ABTB2: variants seen among roughly 807,000 people sequenced by gnomAD.
ABTB2 encodes the protein ankyrin repeat and BTB domain containing 2, also known as ankyrin repeat and BTB/POZ domain-containing protein 2.
In ABTB2, 56 loss-of-function variants were observed where a neutral mutation model predicts 104.1. That is an observed-to-expected ratio of 0.54 (90% CI 0.43 to 0.67). The LOEUF (loss-of-function observed/expected upper bound fraction) is 0.67, where lower values mean the gene tolerates loss of function less well. Ranked by LOEUF, ABTB2 falls within the 30% of genes least tolerant of loss-of-function variation. The pLI is 0.00. For synonymous variants in ABTB2, 606 were observed against 608.2 expected, an observed-to-expected ratio of 1.00 and a Z score of 0.05; for missense variants, 1,279 against 1,407.7, an observed-to-expected ratio of 0.91 and a Z score of 1.46.
chr11:34,155,549 G>C (rs1160352631), intron 14 of ABTB2, among the ~76,000 whole-genome samples: 1 of 152,238 alleles, frequency 6.6e-6, no homozygotes, highest in African/African-American at 2.4e-5. Flanking sequence ...TGAAGAAACG[G>C]CTCCAGCAAG....
At chr11:34,217,700 G>A (rs899406411) in intron 1 of ABTB2, among the ~76,000 whole-genome samples, 2 of 152,190 alleles carry the variant, frequency 1.3e-5, no homozygotes, top group African/African-American at 4.8e-5. Flanking sequence ...AACCTCAAAT[G>A]ATCTGCCTGC....
chr11:34,293,527 A>T, intron 1 of ABTB2, among the ~76,000 whole-genome samples: 1 of 152,178 alleles, frequency 6.6e-6, no homozygotes, highest in East Asian at 1.9e-4. Flanking sequence ...AGGAGAAGCC[A>T]TTGAGGAAAG....
chr11:34,154,187 AGTGCAGCCACACGGCCGAGGCCCCC>A lies in ABTB2; in HGVS notation c.2880+53_2880+77del. 8.9e-7 allele frequency: 1 copy of A among 1,125,864 alleles called. No individual in the cohort carries two copies. 69.7% of individuals were successfully genotyped at this position (1,125,864 alleles called of 1,614,324 possible). ...CACCTGCATCTCCTAGCTCATCCCC[AGTGCAGCCACACGGCCGAGGCCCCC>A]GTGGAGCAGAGCATGTGGTGGGAGG... On this transcript the variant is annotated intron_variant, in intron 16 of 16. Transcript: ENST00000435224. This position sits in a 1 kb window ranked among gnomAD's most constrained non-coding sequence, Gnocchi z 4.9.
chr11:34,337,470 T>A (rs1271166883), intron 1 of ABTB2, among the ~76,000 whole-genome samples: 1 of 152,260 alleles, frequency 6.6e-6, no homozygotes, highest in Non-Finnish European at 1.5e-5. Flanking sequence ...ACTGTACTTA[T>A]AATGCAGGAT....
intron 1 of ABTB2, among the ~76,000 whole-genome samples, chr11:34,349,552 A>G (rs1855374152): frequency 6.6e-6 from 1 of 152,218 alleles, no homozygotes; most frequent in Non-Finnish European, 1.5e-5. Flanking sequence ...GATCCAACAC[A>G]AGTTTGTTAA....
At chr11:34,253,691 AT>A (rs1359688803) in intron 1 of ABTB2, among the ~76,000 whole-genome samples, 4 of 117,740 alleles carry the variant, frequency 3.4e-5, no homozygotes, top group Non-Finnish European at 3.7e-5. Context: ...AAAAAAAAAA[AT>A]TTTTTTTTCA....
At chr11:34,293,726 A>ATTT (rs78765419) in intron 1 of ABTB2, among the ~76,000 whole-genome samples, 1 of 149,312 alleles carries the variant, frequency 6.7e-6, no homozygotes. Context: ...AACAAGGTAA[A>ATTT]TTTTTTTTTT....
At position 34,166,977 on chromosome 11, in the gene ABTB2, G is replaced by A. The variant is rs181824854; in HGVS notation, c.1755+282C>T. Among the ~76,000 whole-genome samples, 686 of 152,360 alleles carry A rather than the reference G, an allele frequency of 4.5e-3. 22 individuals carry two copies. Among genetic ancestry groups the A allele is most frequent in the Non-Finnish European group, 9.1e-4 (62 of 68,030 alleles). ...GACTGGGACAGCCCCCAGTGTGCCC[G>A]ACACGAGAGAGAGAGAGATGCCGGG... On this transcript the variant is annotated intron_variant, in intron 7 of 16. Coordinates refer to ENST00000435224, the MANE Select transcript of ABTB2 (RefSeq NM_145804.3).
At chr11:34,262,051 C>T (rs1023524012) in intron 1 of ABTB2, among the ~76,000 whole-genome samples, 3 of 152,212 alleles carry the variant, frequency 2.0e-5, no homozygotes, top group African/African-American at 7.2e-5. Flanking sequence ...GAAAACAACA[C>T]CGACTCACAT....
chr11:34,201,269 C>A lies in ABTB2; in HGVS notation c.1030+3275G>T, dbSNP rs368476608. On this transcript the variant is annotated intron_variant, in intron 2 of 16. Coordinates refer to ENST00000435224, the MANE Select transcript of ABTB2 (RefSeq NM_145804.3). ...CAGGCAAGGAAAAACAAGTCCTCCC[C>A]CCTTGTTAACCATGAAAGACTTGAT... is the stretch of plus-strand genomic sequence containing the variant. 6.6e-5 allele frequency among the ~76,000 whole-genome samples: 10 copies of A among 152,028 alleles called. No homozygotes were observed. The East Asian group carries it at 7.7e-4, about 12-fold the overall frequency.
chr11:34,311,130 C>T (rs1854847740), intron 1 of ABTB2, among the ~76,000 whole-genome samples: 1 of 152,198 alleles, frequency 6.6e-6, no homozygotes, highest in African/African-American at 2.4e-5. Flanking sequence ...CTAGCTTTCA[C>T]TGGCTCCAGG....
At chr11:34,246,933 T>C (rs1853992677) in intron 1 of ABTB2, among the ~76,000 whole-genome samples, 1 of 150,900 alleles carries the variant, frequency 6.6e-6, no homozygotes, top group Non-Finnish European at 1.5e-5. Flanking sequence ...CCGCAACCTC[T>C]GTCTTCCGGG....
chr11:34,228,116 G>A (rs1294539392), intron 1 of ABTB2, among the ~76,000 whole-genome samples: 1 of 69,338 alleles, frequency 1.4e-5, no homozygotes, highest in Non-Finnish European at 3.2e-5. Flanking sequence ...TCTTGGCTCA[G>A]TAGCATGATC....
intron 1 of ABTB2, among the ~76,000 whole-genome samples, chr11:34,313,184 C>T (rs1229773909): frequency 6.6e-6 from 1 of 152,164 alleles, no homozygotes; most frequent in East Asian, 1.9e-4. Context: ...GTTTCTGGAA[C>T]CTTCCCTGGA....
chr11:34,211,687 C>G lies in ABTB2; in HGVS notation c.884-6997G>C, dbSNP rs186981651. Reference sequence around the variant, plus strand: ...GGCAGGAGGATCACTTGAGATCAGGCATTCGAGACCAGCCTGTCCAACATG... The same window carrying G: ...GGCAGGAGGATCACTTGAGATCAGGGATTCGAGACCAGCCTGTCCAACATG... On this transcript the variant is annotated intron_variant, in intron 1 of 16. Transcript: ENST00000435224. 4.5e-3 allele frequency among the ~76,000 whole-genome samples: 677 copies of G among 151,900 alleles called. 5 individuals carry two copies. Among genetic ancestry groups the G allele is most frequent in the African/African-American group, 0.016 (650 of 41,420 alleles).
At chr11:34,325,585 C>G (rs1217496460) in intron 1 of ABTB2, among the ~76,000 whole-genome samples, 1 of 152,198 alleles carries the variant, frequency 6.6e-6, no homozygotes, top group East Asian at 1.9e-4. Flanking sequence ...TTAGCTATTA[C>G]TATTACTACT....
At chr11:34,182,508 G>C (rs959616531) in intron 3 of ABTB2, among the ~76,000 whole-genome samples, 1 of 137,314 alleles carries the variant, frequency 7.3e-6, no homozygotes, top group East Asian at 2.0e-4. Flanking sequence ...GGGGGGGGGG[G>C]GAAATTCACT....
chr11:34,169,575 T>G (rs1852841689), intron 5 of ABTB2, among the ~76,000 whole-genome samples: 1 of 152,092 alleles, frequency 6.6e-6, no homozygotes, highest in South Asian at 2.1e-4. Context: ...GTCCACGGGC[T>G]TCCACACTGT....
At position 34,280,007 on chromosome 11, in the gene ABTB2, G is replaced by C. The variant is rs1485742279; in HGVS notation, c.884-75317C>G. ...GCTGGTCTTAAACTCCTAACCTCAA[G>C]TGATCCACCTGACTCAGCCTCCGAA... On this transcript the variant is annotated intron_variant, in intron 1 of 16. Transcript: ENST00000435224. 2.0e-5 allele frequency among the ~76,000 whole-genome samples: 3 copies of C among 152,082 alleles called. No individual in the cohort carries two copies. In the East Asian group the frequency reaches 5.8e-4, roughly 29 times the overall value.
Sources: gnomAD v4.1 joint callset for allele counts (sites outside exome capture counted in the v4.1 genomes callset) on GRCh38, gnomAD v4.1.1 for gene constraint, Gnocchi (gnomAD v3.1) non-coding constraint, MANE v1.5 for transcripts, NCBI Gene and HGNC (gene_info 2026-07-23, HGNC 2026-07-21) for gene names.